CFH: variants seen among roughly 807,000 people sequenced by gnomAD.
The protein encoded by CFH is H factor 1 (complement).
A neutral mutation model predicts 147.3 loss-of-function variants in CFH; 53 were observed. That is an observed-to-expected ratio of 0.36 (90% CI 0.29 to 0.45). CFH has a LOEUF of 0.45. CFH is among the 20% of genes least tolerant of loss of function. The pLI, the probability that CFH is intolerant of heterozygous loss-of-function variation, is 1.00. For missense variants in CFH, 1,380 were observed against 1,498.0 expected, an observed-to-expected ratio of 0.92 and a Z score of 1.30; for synonymous variants, 536 against 489.4, an observed-to-expected ratio of 1.10 and a Z score of -1.26.
intron 10 of CFH, 95 bp from the exon 11 acceptor site, chr1:196,715,498 C>G: frequency 1.0e-6 from 1 of 985,020 alleles, no homozygotes; most frequent in South Asian, 1.3e-5. Flanking sequence ...ATTAGTAGAT[C>G]TAATCAATAA....
intron 9 of CFH, among the ~76,000 whole-genome samples, chr1:196,713,127 T>C (rs1172041886): frequency 6.6e-6 from 1 of 152,114 alleles, no homozygotes; most frequent in Non-Finnish European, 1.5e-5. Flanking sequence ...ACAGAAACAG[T>C]AACTTCCACT....
At chr1:196,733,907 G>A (rs1198450299) in intron 15 of CFH, among the ~76,000 whole-genome samples, 2 of 152,010 alleles carry the variant, frequency 1.3e-5, no homozygotes, top group African/African-American at 4.8e-5. Context: ...AAACTTCTCG[G>A]GAGAAACAGG....
intron 9 of CFH, chr1:196,690,499 G>T (rs1667988206): frequency 2.0e-6 from 1 of 504,274 alleles, no homozygotes; most frequent in East Asian, 4.0e-5. Flanking sequence ...ATACTTGTTG[G>T]TTAAATGAAG....
chr1:196,716,086 T>G (rs1347995786), intron 11 of CFH, among the ~76,000 whole-genome samples: 1 of 152,130 alleles, frequency 6.6e-6, no homozygotes, highest in Non-Finnish European at 1.5e-5. Context: ...GGTTACAACT[T>G]CCTCAGCTAA....
At chr1:196,685,830 C>T (rs1289860956) in intron 7 of CFH, among the ~76,000 whole-genome samples, 1 of 152,142 alleles carries the variant, frequency 6.6e-6, no homozygotes, top group Admixed American at 6.6e-5. Flanking sequence ...TCCAGCACTG[C>T]TAATCTGAGA....
chr1:196,701,342 G>C, intron 9 of CFH: 2 of 1,613,626 alleles, frequency 1.2e-6, no homozygotes, highest in African/African-American at 2.7e-5. Context: ...ACTTCTGATC[G>C]AAGGTCATCC....
At chr1:196,693,594 G>A (rs937063328) in intron 9 of CFH, among the ~76,000 whole-genome samples, 6 of 152,046 alleles carry the variant, frequency 3.9e-5, no homozygotes, top group African/African-American at 1.4e-4. Context: ...GAGGATTCAT[G>A]CTCTGGGCGG....
At chr1:196,717,043 G>C (rs1365896197) in intron 11 of CFH, among the ~76,000 whole-genome samples, 4 of 151,980 alleles carry the variant, frequency 2.6e-5, no homozygotes, top group Non-Finnish European at 5.9e-5. Context: ...ATATAAGACA[G>C]AAGAGCAATA....
At chr1:196,710,210 C>T (rs1668693355) in intron 9 of CFH, among the ~76,000 whole-genome samples, 1 of 152,140 alleles carries the variant, frequency 6.6e-6, no homozygotes, top group African/African-American at 2.4e-5. Flanking sequence ...CCCTTAAGGT[C>T]TCTTGCACAT....
At chr1:196,684,526 G>A (rs558117061) in intron 6 of CFH, among the ~76,000 whole-genome samples, 6 of 151,666 alleles carry the variant, frequency 4.0e-5, no homozygotes, top group East Asian at 1.9e-4. Flanking sequence ...TTCTTTAATC[G>A]CGGTATCTTT....
At chr1:196,679,863 C>A (rs2149082143) in intron 6 of CFH, 70 bp downstream of exon 6, 4 of 1,347,526 alleles carry the variant, frequency 3.0e-6, no homozygotes, top group Non-Finnish European at 3.1e-6. Flanking sequence ...TTTAATAAAT[C>A]CACTTATTTT....
chr1:196,727,947 T>C (rs779199339), intron 14 of CFH, among the ~76,000 whole-genome samples: 2 of 152,176 alleles, frequency 1.3e-5, no homozygotes, highest in Non-Finnish European at 2.9e-5. Context: ...TCATTTTGCC[T>C]CTTTGATGAC....
chr1:196,698,715 A>T (rs960069778), intron 9 of CFH, among the ~76,000 whole-genome samples: 5 of 152,190 alleles, frequency 3.3e-5, no homozygotes, highest in African/African-American at 1.2e-4. Flanking sequence ...CTCCTCCTTA[A>T]CTCATTTTAT....
chr1:196,685,851 C>A (rs760478431), intron 7 of CFH, among the ~76,000 whole-genome samples: 1 of 151,994 alleles, frequency 6.6e-6, no homozygotes, highest in Non-Finnish European at 1.5e-5. Flanking sequence ...ATAGAGGAAG[C>A]CACAATACCA....
At chr1:196,741,752 T>C in intron 18 of CFH, 123 bp from the exon 19 acceptor site, 6 of 841,116 alleles carry the variant, frequency 7.1e-6, no homozygotes, top group Non-Finnish European at 1.1e-5. Flanking sequence ...TCTCAAGTTA[T>C]AAGAAAAATG....
chr1:196,672,031 A>C (rs1667299303), intron 1 of CFH, among the ~76,000 whole-genome samples: 1 of 151,928 alleles, frequency 6.6e-6, no homozygotes, highest in Non-Finnish European at 1.5e-5. Context: ...AGTCAGATCC[A>C]TTTTCTTATT....
chr1:196,665,693 C>T (rs6674960), intron 1 of CFH, among the ~76,000 whole-genome samples: 6,325 of 152,144 alleles, frequency 0.042, 442 homozygotes, highest in African/African-American at 0.14. Flanking sequence ...CTGCAATCTC[C>T]GCCTCTCAGG....
chr1:196,669,630 A>G (rs1373340735), intron 1 of CFH, among the ~76,000 whole-genome samples: 8 of 152,158 alleles, frequency 5.3e-5, no homozygotes, highest in Admixed American at 5.2e-4. Context: ...CACAGAATAC[A>G]AAACCTCCAC....
chr1:196,666,145 C>T (rs1667077875), intron 1 of CFH, among the ~76,000 whole-genome samples: 1 of 152,114 alleles, frequency 6.6e-6, no homozygotes, highest in African/African-American at 2.4e-5. Context: ...AAAGTTGATG[C>T]CAGTATAGGT....
Sources: allele counts gnomAD v4.1 joint callset (sites outside exome capture counted in the v4.1 genomes callset), GRCh38; gene constraint gnomAD v4.1.1; transcripts MANE v1.5; gene names NCBI Gene and HGNC (gene_info 2026-07-23, HGNC 2026-07-21).